Variants in ASAP2 observed in about 807,000 individuals in gnomAD.
The protein encoded by ASAP2 is ArfGAP with SH3 domain, ankyrin repeat and PH domain 2.
Under a neutral mutation model 131.4 loss-of-function variants are expected in ASAP2, and 45 were observed. That is an observed-to-expected ratio of 0.34 (90% CI 0.27 to 0.44). The LOEUF (loss-of-function observed/expected upper bound fraction) is 0.44, where lower values mean the gene tolerates loss of function less well. ASAP2 is among the 20% of genes least tolerant of loss of function. The pLI is 1.00. For missense variants in ASAP2, 1,011 were observed against 1,297.0 expected (o/e 0.78, Z 3.39); for synonymous variants, 510 against 503.0 (o/e 1.01, Z -0.19).
In ASAP2 at chr2:9,401,306, C is replaced by G. The variant is rs1354222094; in HGVS notation, c.2856C>G (p.Leu952=). The change falls in exon 27 of 28, where the codon CTC becomes CTG. Residue 952 remains leucine (L), a synonymous_variant. Transcript: ENST00000281419. ...TKLKPKRVKA[L]YNCVADNPDE... is the part of the protein sequence containing the mutation. ...TGAAGCCTAAGCGGGTGAAAGCGCTCTATAACTGTGTGGCTGACAACCCCG... is the reference window on the plus strand; with the variant it reads ...TGAAGCCTAAGCGGGTGAAAGCGCTGTATAACTGTGTGGCTGACAACCCCG... 1 of 1,613,628 alleles carries G rather than the reference C, an allele frequency of 6.2e-7. No individual in the cohort carries two copies. Among genetic ancestry groups the G allele is most frequent in the East Asian group, 2.2e-5 (1 of 44,844 alleles).
At chr2:9,246,982 G>A (rs746657294) in intron 1 of ASAP2, among the ~76,000 whole-genome samples, 3 of 151,998 alleles carry the variant, frequency 2.0e-5, no homozygotes, top group Non-Finnish European at 4.4e-5. Context: ...CTGGGGCCAC[G>A]GTATATACTA....
At chr2:9,374,719 C>G (rs765894412) in intron 16 of ASAP2, 36 bp from the exon 17 acceptor site, 8 of 1,555,556 alleles carry the variant, frequency 5.1e-6, no homozygotes, top group Admixed American at 3.8e-5. Context: ...GGTAGAAGCC[C>G]TTCATGATTT....
chr2:9,402,497 C>T (rs999083182), intron 27 of ASAP2, among the ~76,000 whole-genome samples: 1 of 152,232 alleles, frequency 6.6e-6, no homozygotes, highest in African/African-American at 2.4e-5. Context: ...TGGCAGGCAC[C>T]TGTAATCCCA....
chr2:9,279,323 G>C lies in ASAP2; in HGVS notation c.133G>C (p.Asp45His). The change falls in exon 2 of 28, where the codon GAC (aspartate) becomes CAC (histidine). Residue 45 changes from aspartate to histidine, a missense_variant. By Grantham distance (81) the Asp-to-His change is moderately conservative. Around this residue, in one of 2 missense-constraint regions of ASAP2, gnomAD observed 359 missense variants for 598.1 expected, o/e 0.60. Coordinates refer to ENST00000281419, the MANE Select transcript of ASAP2 (RefSeq NM_003887.3). ...NTVAAIEEAL[D>H]VDRMVLYKMK... ...TGTATTCTCTACATTTTAGGCTTTGGACGTGGACCGGATGGTTCTTTACAA... is the reference window on the plus strand; with the variant it reads ...TGTATTCTCTACATTTTAGGCTTTGCACGTGGACCGGATGGTTCTTTACAA... 6.2e-7 allele frequency: 1 copy of C among 1,614,162 alleles called. No homozygotes were observed. Among genetic ancestry groups the C allele is most frequent in the Admixed American group, 1.7e-5 (1 of 60,026 alleles).
At chr2:9,363,269 G>A (rs962805373) in intron 15 of ASAP2, among the ~76,000 whole-genome samples, 3 of 152,164 alleles carry the variant, frequency 2.0e-5, no homozygotes, top group African/African-American at 7.2e-5. Context: ...TGGTGAAGAC[G>A]TGTCTTCAAC....
chr2:9,379,118 C>T, intron 19 of ASAP2, 59 bp downstream of exon 19: 1 of 1,273,486 alleles, frequency 7.9e-7, no homozygotes, highest in Non-Finnish European at 1.1e-6. Context: ...TGCCTCCTGT[C>T]TGCCATCCAA....
intron 1 of ASAP2, among the ~76,000 whole-genome samples, chr2:9,236,005 C>G (rs1212010777): frequency 6.6e-6 from 1 of 152,124 alleles, no homozygotes; most frequent in Non-Finnish European, 1.5e-5. Flanking sequence ...GGCCAGGATG[C>G]TACTACACAT....
intron 1 of ASAP2, among the ~76,000 whole-genome samples, chr2:9,270,847 C>T (rs1415283711): frequency 2.4e-5 from 3 of 123,862 alleles, no homozygotes; most frequent in African/African-American, 9.5e-5. Flanking sequence ...GGCTGGAGTG[C>T]AGTGGCGCGA....
intron 3 of ASAP2, among the ~76,000 whole-genome samples, chr2:9,305,927 G>T (rs1668897454): frequency 6.6e-6 from 1 of 150,974 alleles, no homozygotes; most frequent in African/African-American, 2.4e-5. Flanking sequence ...AGATATTGGT[G>T]GAGGGGCTGT....
intron 24 of ASAP2, among the ~76,000 whole-genome samples, chr2:9,395,754 C>T (rs1354873869): frequency 1.3e-5 from 2 of 151,032 alleles, no homozygotes; most frequent in African/African-American, 4.9e-5. Flanking sequence ...ACTACAGGTG[C>T]CCACCACCAC....
chr2:9,303,951 A>C (rs951547082), intron 3 of ASAP2, among the ~76,000 whole-genome samples: 1 of 152,222 alleles, frequency 6.6e-6, no homozygotes, highest in Non-Finnish European at 1.5e-5. Context: ...GCTGGGTGCT[A>C]TCCATGCGCT....
At chr2:9,367,554 A>C (rs1286201221) in intron 15 of ASAP2, among the ~76,000 whole-genome samples, 1 of 151,900 alleles carries the variant, frequency 6.6e-6, no homozygotes, top group Non-Finnish European at 1.5e-5. Context: ...TGAGCCCAGG[A>C]GTTCGAGACC....
At chr2:9,283,290 C>T (rs1667251316) in intron 2 of ASAP2, among the ~76,000 whole-genome samples, 1 of 152,200 alleles carries the variant, frequency 6.6e-6, no homozygotes, top group Admixed American at 6.5e-5. Context: ...GCTGGCTAGG[C>T]TGATCTCGAG....
chr2:9,319,105 G>A (rs917904165), intron 4 of ASAP2, among the ~76,000 whole-genome samples: 14 of 152,194 alleles, frequency 9.2e-5, no homozygotes, highest in Admixed American at 9.2e-4. Flanking sequence ...CTGTTTAAGG[G>A]GGCAGCAGAC....
rs34474684 is a variant in ASAP2 at position 9,214,777 on chromosome 2, TAAAA to T, written c.126+7565_126+7568del. Among the ~76,000 whole-genome samples, 903 of 103,060 alleles carry T rather than the reference TAAAA, an allele frequency of 8.8e-3. 12 individuals carry two copies. Among genetic ancestry groups the T allele is most frequent in the African/African-American group, 0.028 (858 of 30,134 alleles). 67.6% of individuals were successfully genotyped at this position (103,060 alleles called of 152,430 possible). On this transcript the variant is annotated intron_variant, in intron 1 of 27. Coordinates refer to ENST00000281419, the MANE Select transcript of ASAP2 (RefSeq NM_003887.3). Reference sequence around the variant, plus strand: ...AAGTGGACAGGATGGCCTGGACGTCTAAAAAAAAAAAAAAAAAAAAAGTGAACAG... The same window carrying T: ...AAGTGGACAGGATGGCCTGGACGTCTAAAAAAAAAAAAAAAAAGTGAACAG...
chr2:9,322,513 C>A (rs59603011), intron 5 of ASAP2, among the ~76,000 whole-genome samples: 3,085 of 152,284 alleles, frequency 0.02, 109 homozygotes, highest in African/African-American at 0.071. Flanking sequence ...ACCTTAGCAG[C>A]CACGATTACC....
chr2:9,387,018 C>A (rs1048019838), intron 21 of ASAP2, among the ~76,000 whole-genome samples: 2 of 150,532 alleles, frequency 1.3e-5, no homozygotes, highest in Non-Finnish European at 2.9e-5. Flanking sequence ...TCTTGGCTAA[C>A]ACGGTGAAAC....
At chr2:9,399,761 C>G (rs1274256046) in intron 24 of ASAP2, 3 of 531,228 alleles carry the variant, frequency 5.6e-6, no homozygotes. Flanking sequence ...TCACTCCAGA[C>G]CCTGGCCATC....
chr2:9,325,421 ACAAT>A (rs1416874026), intron 6 of ASAP2, among the ~76,000 whole-genome samples: 2 of 152,220 alleles, frequency 1.3e-5, no homozygotes, highest in African/African-American at 4.8e-5. Flanking sequence ...CATTTTACAA[ACAAT>A]CAGGGTGAAA....
Sources: gnomAD v4.1 joint callset for allele counts (sites outside exome capture counted in the v4.1 genomes callset) on GRCh38, gnomAD v4.1.1 for gene constraint, gnomAD v4.1.1 regional missense constraint, MANE v1.5 for transcripts, NCBI Gene and HGNC (gene_info 2026-07-23, HGNC 2026-07-21) for gene names.